GRM5: variants seen among roughly 807,000 people sequenced by gnomAD.
GRM5 encodes metabotropic glutamate receptor 5.
GRM5 carries 19 observed loss-of-function variants against 83.1 expected under a neutral mutation model. The ratio of observed to expected loss-of-function variants is 0.23; its 90% CI spans 0.16 to 0.34. GRM5 has a LOEUF of 0.34. GRM5 is among the 10% of genes least tolerant of loss of function. The pLI, the probability that GRM5 is intolerant of heterozygous loss-of-function variation, is 1.00. For missense variants in GRM5, 1,160 were observed against 1,588.3 expected, an observed-to-expected ratio of 0.73 and a Z score of 4.58; for synonymous variants, 675 against 633.6, an observed-to-expected ratio of 1.07 and a Z score of -0.98.
At chr11:88,611,413 G>A (rs1938312834) in intron 4 of GRM5, among the ~76,000 whole-genome samples, 1 of 152,106 alleles carries the variant, frequency 6.6e-6, no homozygotes, top group South Asian at 2.1e-4. Context: ...TATCTGTTCA[G>A]AATTTTTATT....
At chr11:88,859,107 A>G (rs1053558643) in intron 2 of GRM5, among the ~76,000 whole-genome samples, 10 of 152,072 alleles carry the variant, frequency 6.6e-5, no homozygotes, top group Non-Finnish European at 1.2e-4. Context: ...GTTGAAAACT[A>G]AAGTAAGATG....
At chr11:88,877,840 A>AAAG (rs1944883878) in intron 2 of GRM5, among the ~76,000 whole-genome samples, 1 of 139,656 alleles carries the variant, frequency 7.2e-6, no homozygotes, top group Non-Finnish European at 1.6e-5. Context: ...AAAAAAAAAA[A>AAAG]AGCAGAAAGA....
At chr11:88,758,058 C>T (rs1011357112) in intron 3 of GRM5, among the ~76,000 whole-genome samples, 11 of 152,058 alleles carry the variant, frequency 7.2e-5, no homozygotes, top group African/African-American at 2.2e-4. Context: ...CAATCAAATC[C>T]TCAAATAAAA....
intron 3 of GRM5, among the ~76,000 whole-genome samples, chr11:88,775,752 G>A (rs900966944): frequency 1.3e-5 from 2 of 152,166 alleles, no homozygotes; most frequent in Non-Finnish European, 2.9e-5. Flanking sequence ...GAGCAGTTTT[G>A]AGTGAGTTTA....
At chr11:88,977,262 G>T (rs1939373055) in intron 2 of GRM5, among the ~76,000 whole-genome samples, 1 of 151,192 alleles carries the variant, frequency 6.6e-6, no homozygotes, top group Admixed American at 6.6e-5. Flanking sequence ...ACCCAGGCTG[G>T]ACTGCAGTGG....
chr11:88,674,070 A>G (rs1940261779), intron 3 of GRM5, among the ~76,000 whole-genome samples: 1 of 151,802 alleles, frequency 6.6e-6, no homozygotes, highest in African/African-American at 2.4e-5. Context: ...TGGATCTAAG[A>G]AATGTCAGTG....
At chr11:88,534,199 G>C (rs1248273506) in intron 8 of GRM5, among the ~76,000 whole-genome samples, 1 of 152,226 alleles carries the variant, frequency 6.6e-6, no homozygotes, top group African/African-American at 2.4e-5. Context: ...CTGGGGCACT[G>C]CCTAGTGGAG....
chr11:88,730,896 A>T (rs1941793666), intron 3 of GRM5, among the ~76,000 whole-genome samples: 1 of 152,148 alleles, frequency 6.6e-6, no homozygotes, highest in South Asian at 2.1e-4. Flanking sequence ...GAGGGATAGC[A>T]TTAGGAGAAA....
chr11:88,812,443 A>G (rs964953798), intron 3 of GRM5, among the ~76,000 whole-genome samples: 1 of 152,176 alleles, frequency 6.6e-6, no homozygotes, highest in Non-Finnish European at 1.5e-5. Context: ...AGACCTGGAA[A>G]TGTTAAATTA....
chr11:88,625,985 T>A (rs1938785155), intron 4 of GRM5, among the ~76,000 whole-genome samples: 1 of 151,970 alleles, frequency 6.6e-6, no homozygotes. Flanking sequence ...CTCTAAGAAA[T>A]GTCACACATA....
intron 6 of GRM5, among the ~76,000 whole-genome samples, chr11:88,594,913 C>A (rs1343072593): frequency 6.6e-6 from 1 of 152,132 alleles, no homozygotes; most frequent in Non-Finnish European, 1.5e-5. Flanking sequence ...ATTTTGATAT[C>A]ATTTTTCCTT....
At chr11:88,798,825 A>AACAAC (rs1555017421) in intron 3 of GRM5, among the ~76,000 whole-genome samples, 1 of 145,236 alleles carries the variant, frequency 6.9e-6, no homozygotes, top group East Asian at 2.1e-4. Flanking sequence ...AAAAAAAAAA[A>AACAAC]AACAACAACA....
intron 8 of GRM5, among the ~76,000 whole-genome samples, chr11:88,563,493 G>A (rs985886133): frequency 6.6e-6 from 1 of 152,042 alleles, no homozygotes; most frequent in African/African-American, 2.4e-5. Context: ...GGACACACAC[G>A]ACCCCATCCA....
intron 2 of GRM5, among the ~76,000 whole-genome samples, chr11:88,991,064 A>T (rs1939948096): frequency 6.6e-6 from 1 of 152,216 alleles, no homozygotes; most frequent in Non-Finnish European, 1.5e-5. Context: ...GAAAAGAGGA[A>T]GTCTGATTGT....
At chr11:88,938,699 C>G (rs1021517581) in intron 2 of GRM5, among the ~76,000 whole-genome samples, 1 of 151,608 alleles carries the variant, frequency 6.6e-6, no homozygotes, top group Non-Finnish European at 1.5e-5. Context: ...TCACTGTCTT[C>G]TCATCTCACC....
intron 2 of GRM5, among the ~76,000 whole-genome samples, chr11:88,987,012 T>C (rs552618642): frequency 6.6e-6 from 1 of 152,076 alleles, no homozygotes; most frequent in African/African-American, 2.4e-5. Flanking sequence ...GGAGCCAAGA[T>C]GGCCGAATAG....
At chr11:88,544,465 C>T (rs527879158) in intron 8 of GRM5, among the ~76,000 whole-genome samples, 5 of 152,198 alleles carry the variant, frequency 3.3e-5, no homozygotes, top group Middle Eastern at 3.2e-3. Context: ...CTTCATTCTC[C>T]GTAAATGTGT....
intron 2 of GRM5, among the ~76,000 whole-genome samples, chr11:88,958,228 A>G (rs927413431): frequency 6.6e-6 from 1 of 150,588 alleles, no homozygotes; most frequent in Non-Finnish European, 1.5e-5. Flanking sequence ...AATGTTTATC[A>G]CTTTCAAAAA....
intron 1 of GRM5, among the ~76,000 whole-genome samples, chr11:89,065,364 A>G (rs1942079615): frequency 6.6e-6 from 1 of 150,868 alleles, no homozygotes; most frequent in Non-Finnish European, 1.5e-5. Context: ...ATCCAAACGT[A>G]TCCTTTGGCT....
Sources: gnomAD v4.1 joint callset for allele counts (sites outside exome capture counted in the v4.1 genomes callset) on GRCh38, gnomAD v4.1.1 for gene constraint, MANE v1.5 for transcripts, NCBI Gene and HGNC (gene_info 2026-07-23, HGNC 2026-07-21) for gene names.